Variants in PCNX2 observed in about 807,000 individuals in gnomAD.
PCNX2 encodes pecanex 2.
Under a neutral mutation model 223.8 loss-of-function variants are expected in PCNX2, and 168 were observed. That is an observed-to-expected ratio of 0.75 (90% CI 0.66 to 0.85). The LOEUF is 0.85. PCNX2 is among the 40% of genes least tolerant of loss of function. The pLI is 0.00. For synonymous variants in PCNX2, 1,006 were observed against 1,052.6 expected (o/e 0.96, Z 0.86); for missense variants, 2,507 against 2,675.5 (o/e 0.94, Z 1.39).
chr1:233,037,569 C>T (rs920127841), intron 25 of PCNX2, among the ~76,000 whole-genome samples: 1 of 151,618 alleles, frequency 6.6e-6, no homozygotes, highest in African/African-American at 2.4e-5. Context: ...TGGTCTTGTA[C>T]ACCTGGCCTC....
chr1:232,985,994 A>G, intron 33 of PCNX2, 98 bp downstream of exon 33: 2 of 1,308,426 alleles, frequency 1.5e-6, no homozygotes, highest in Non-Finnish European at 2.2e-6. Context: ...GGGGTTCTGC[A>G]GGCAGAAGGG....
chr1:232,992,743 G>C (rs959629657), intron 32 of PCNX2, among the ~76,000 whole-genome samples: 2 of 152,208 alleles, frequency 1.3e-5, no homozygotes, highest in Non-Finnish European at 2.9e-5. Flanking sequence ...TGTTGAGGGA[G>C]AGACCTGCTG....
intron 15 of PCNX2, among the ~76,000 whole-genome samples, chr1:233,185,283 T>C (rs1042771273): frequency 2.6e-5 from 4 of 152,090 alleles, no homozygotes; most frequent in African/African-American, 9.7e-5. Flanking sequence ...GGAAGGAACT[T>C]CATAACTGAG....
At chr1:233,184,939 GA>G (rs935317902) in intron 15 of PCNX2, among the ~76,000 whole-genome samples, 1 of 147,298 alleles carries the variant, frequency 6.8e-6, no homozygotes, top group Non-Finnish European at 1.5e-5. Flanking sequence ...CTCTTTCTCA[GA>G]AAAAAAAAAC....
chr1:233,030,890 T>C (rs1671240970), intron 25 of PCNX2, among the ~76,000 whole-genome samples: 3 of 152,242 alleles, frequency 2.0e-5, no homozygotes, highest in Non-Finnish European at 2.9e-5. Context: ...TCCATGCAGA[T>C]TTCTGCAGCT....
At chr1:233,251,956 T>C (rs138585877) in intron 7 of PCNX2, among the ~76,000 whole-genome samples, 4 of 152,394 alleles carry the variant, frequency 2.6e-5, no homozygotes, top group African/African-American at 7.2e-5. Flanking sequence ...GTACTGGGCA[T>C]TGCCCTCTTG....
Position 233,291,088 on chromosome 1 carries a change from T to C in PCNX2, c.153+4238A>G, listed in dbSNP as rs913161576. On this transcript the variant is annotated intron_variant, in intron 1 of 33. Transcript: ENST00000258229. The stretch of plus-strand genomic sequence containing the variant: ...GCCTTCAAAGTGCTCTTATATGTAG[T>C]ATGTCAGGCAGCATAATGTCCTGGA... The C allele has an allele frequency of 6.1e-6, 6 of 985,250 alleles. No individual in the cohort carries two copies. In the African/African-American group the frequency reaches 1.0e-4, roughly 17 times the overall value. The allele number at this position is 985,250 out of a possible 1,614,324, so 61.0% of individuals were successfully genotyped here.
At chr1:233,318,993 G>A in the PCNX2 span, among the ~76,000 whole-genome samples, 1 of 152,016 alleles carries the variant, frequency 6.6e-6, no homozygotes, top group Non-Finnish European at 1.5e-5. Context: ...TGAATGTCCT[G>A]TGACCAGGAA....
rs911762436 is a variant in PCNX2 at position 233,018,818 on chromosome 1, A to G, written c.4606-1664T>C. The G allele has an allele frequency of 7.1e-6, 7 of 985,352 alleles. No individual in the cohort carries two copies. The African/African-American group carries it at 1.0e-4, about 15-fold the overall frequency. 61.0% of individuals were successfully genotyped at this position (985,352 alleles called of 1,614,324 possible). On this transcript the variant is annotated intron_variant, in intron 26 of 33. Coordinates refer to ENST00000258229, the MANE Select transcript of PCNX2 (RefSeq NM_014801.4). Reference sequence around the variant, plus strand: ...CTCACAGTGTTTGATGCAAGGAGGCAGGGATGTGTGCTCCTGTTAGAAACA... The same window carrying G: ...CTCACAGTGTTTGATGCAAGGAGGCGGGGATGTGTGCTCCTGTTAGAAACA...
rs200881249 is a variant in PCNX2, at chr1:233,177,850, C to T, written c.3225G>A (p.Leu1075=). The T allele has an allele frequency of 1.6e-4, 259 of 1,613,792 alleles. No homozygotes were observed. Among genetic ancestry groups the T allele is most frequent in the Admixed American group, 6.7e-5 (4 of 59,992 alleles). ...RLFPKFLHQN[L]AESAADPLPK... is the part of the protein sequence containing the mutation. ...GGAGAGGGTCAGCAGCTGACTCTGC[C>T]AGATTTTGATGTAAAAATTTAGGAA... The change falls in exon 17 of 34, where the codon CTG becomes CTA. Residue 1075 remains leucine, a synonymous_variant. Coordinates refer to ENST00000258229, the MANE Select transcript of PCNX2 (RefSeq NM_014801.4).
the PCNX2 span, among the ~76,000 whole-genome samples, chr1:233,305,925 T>C: frequency 1.9e-4 from 29 of 152,160 alleles, no homozygotes; most frequent in Admixed American, 5.9e-4. Context: ...GCAATTACAC[T>C]AAATGAAAAT....
At chr1:233,187,415 C>T (rs761224165) in intron 15 of PCNX2, among the ~76,000 whole-genome samples, 29 of 152,130 alleles carry the variant, frequency 1.9e-4, no homozygotes, top group Non-Finnish European at 4.0e-4. Flanking sequence ...CTACTAGGGT[C>T]ACAACAGCTC....
chr1:233,165,012 A>G (rs907167758), intron 17 of PCNX2, among the ~76,000 whole-genome samples: 1 of 152,250 alleles, frequency 6.6e-6, no homozygotes, highest in Non-Finnish European at 1.5e-5. Flanking sequence ...AAATAACTAG[A>G]AGAGAGGATT....
At chr1:233,098,627 T>A (rs1438731627) in intron 21 of PCNX2, among the ~76,000 whole-genome samples, 2 of 152,188 alleles carry the variant, frequency 1.3e-5, no homozygotes, top group Admixed American at 1.3e-4. Context: ...AAGCCAGATC[T>A]CCTGAATGTC....
chr1:233,092,447 T>A (rs1432412635), intron 22 of PCNX2, among the ~76,000 whole-genome samples: 2 of 152,176 alleles, frequency 1.3e-5, no homozygotes, highest in Non-Finnish European at 2.9e-5. Context: ...GAAACAATTA[T>A]CCAAAATTTA....
intron 15 of PCNX2, 66 bp downstream of exon 15, chr1:233,198,873 T>A (rs1429050536): frequency 7.1e-7 from 1 of 1,416,730 alleles, no homozygotes; most frequent in East Asian, 2.5e-5. Flanking sequence ...AAACATTCAT[T>A]TGTTTAAAAA....
chr1:233,231,798 T>C, intron 9 of PCNX2: 1 of 385,848 alleles, frequency 2.6e-6, no homozygotes, highest in Non-Finnish European at 3.5e-6. Context: ...ACAGAGTGGC[T>C]GCCAAGGAGG....
At position 233,208,303 on chromosome 1, in the gene PCNX2, T is replaced by C. The variant is rs771514806; in HGVS notation, c.2863+215A>G. Among the ~76,000 whole-genome samples the C allele has an allele frequency of 1.2e-4, 19 of 152,348 alleles. 1 individual carries two copies. In the South Asian group the frequency reaches 2.7e-3, roughly 22 times the overall value. On this transcript the variant is annotated intron_variant, in intron 13 of 33. Transcript: ENST00000258229. ...TGGACATTATAGTGCTGCAACTTCT[T>C]GGTCATAAATATCAAAATCCTTTAA...
intron 25 of PCNX2, among the ~76,000 whole-genome samples, chr1:233,030,030 C>T (rs1256167195): frequency 1.3e-5 from 2 of 152,146 alleles, no homozygotes; most frequent in Admixed American, 6.5e-5. Context: ...TGCTTTTCCA[C>T]CCCTATTTCA....
Sources: allele counts gnomAD v4.1 joint callset (sites outside exome capture counted in the v4.1 genomes callset), GRCh38; gene constraint gnomAD v4.1.1; transcripts MANE v1.5; gene names NCBI Gene and HGNC (gene_info 2026-07-23, HGNC 2026-07-21).